Variants in ATRN observed in about 807,000 individuals in gnomAD.
The protein encoded by ATRN is attractin-2.
ATRN carries 54 observed loss-of-function variants against 178.7 expected under a neutral mutation model. That is an observed-to-expected ratio of 0.30 (90% CI 0.24 to 0.38). ATRN has a LOEUF of 0.38. Ranked by LOEUF, ATRN falls within the 10% of genes least tolerant of loss-of-function variation. The probability of loss-of-function intolerance (pLI) is 1.00; values close to 1 mark genes in which losing one functional copy is unlikely to be tolerated. For synonymous variants in ATRN, 636 were observed against 663.0 expected, an observed-to-expected ratio of 0.96 and a Z score of 0.63; for missense variants, 1,443 against 1,815.1, an observed-to-expected ratio of 0.79 and a Z score of 3.73.
chr20:3,500,037 A>G (rs958101704), intron 1 of ATRN, among the ~76,000 whole-genome samples: 16 of 152,172 alleles, frequency 1.1e-4, no homozygotes, highest in African/African-American at 3.9e-4. Flanking sequence ...ATGAACAGAC[A>G]CTTCTCAAAA....
intron 1 of ATRN, among the ~76,000 whole-genome samples, chr20:3,518,196 C>T (rs2085232370): frequency 6.6e-6 from 1 of 152,100 alleles, no homozygotes; most frequent in Non-Finnish European, 1.5e-5. Flanking sequence ...AGTTGAGGGA[C>T]GTGGTATAAC....
rs536209701 is a variant in ATRN, at chr20:3,554,990, C to CTTTTTTTT, written c.1113-4380_1113-4373dup. 6.2e-4 allele frequency among the ~76,000 whole-genome samples: 42 copies of CTTTTTTTT among 67,492 alleles called. 3 individuals are homozygous for CTTTTTTTT. The highest frequency in any genetic ancestry group is 2.3e-3 in the African/African-American group (33 of 14,250). 44.3% of individuals were successfully genotyped at this position (67,492 alleles called of 152,430 possible). ...TGGAACACCAAGTGTGACCTGACCT[C>CTTTTTTTT]TTTTTTTTTTTTTTTTTTTTTTTTT... On this transcript the variant is annotated intron_variant, in intron 6 of 28. Coordinates refer to ENST00000262919, the MANE Select transcript of ATRN (RefSeq NM_139321.3).
intron 12 of ATRN, among the ~76,000 whole-genome samples, chr20:3,575,049 C>T (rs959020723): frequency 2.6e-5 from 4 of 152,074 alleles, no homozygotes; most frequent in South Asian, 2.1e-4. Context: ...CCTCCGCCTC[C>T]CAGGTCCTGA....
intron 11 of ATRN, among the ~76,000 whole-genome samples, chr20:3,571,835 G>A (rs900084160): frequency 5.9e-5 from 9 of 151,528 alleles, no homozygotes; most frequent in African/African-American, 2.2e-4. Context: ...TAATTCATAT[G>A]ACCAGATTTT....
intron 27 of ATRN, among the ~76,000 whole-genome samples, chr20:3,641,096 A>AG (rs2087063961): frequency 6.6e-6 from 1 of 152,172 alleles, no homozygotes; most frequent in Non-Finnish European, 1.5e-5. Flanking sequence ...AGTGGTTCAC[A>AG]GGGGCTGGGA....
At chr20:3,549,702 C>T (rs2085759774) in intron 6 of ATRN, among the ~76,000 whole-genome samples, 1 of 152,152 alleles carries the variant, frequency 6.6e-6, no homozygotes, top group Non-Finnish European at 1.5e-5. Flanking sequence ...ATACCATTGT[C>T]TACTATGTCC....
intron 19 of ATRN, 42 bp from the exon 20 acceptor site, chr20:3,594,437 T>G (rs773282028): frequency 3.2e-5 from 49 of 1,525,456 alleles, no homozygotes; most frequent in Non-Finnish European, 4.4e-5. Context: ...GTCAGAATTT[T>G]TTAAGCCAGT....
intron 9 of ATRN, 147 bp downstream of exon 9, chr20:3,562,606 G>C: frequency 1.4e-6 from 1 of 712,218 alleles, no homozygotes; most frequent in South Asian, 2.4e-5. Flanking sequence ...AATAAACAGA[G>C]GGTAATAAAG....
At chr20:3,590,822 G>A (rs1453266652) in intron 18 of ATRN, among the ~76,000 whole-genome samples, 1 of 152,154 alleles carries the variant, frequency 6.6e-6, no homozygotes, top group Non-Finnish European at 1.5e-5. Context: ...TATATCAAAT[G>A]TGAACAGTGG....
Position 3,471,435 on chromosome 20 carries a change from C to A in ATRN, c.328C>A (p.Arg110Ser). 1 of 1,461,468 alleles carries A rather than the reference C, an allele frequency of 6.8e-7. No homozygotes were observed. The allele number at this position is 1,461,468 out of a possible 1,614,324, so 90.5% of individuals were successfully genotyped here. A position where few individuals can be genotyped will look rare whatever the true frequency, so the allele number is the denominator to read the frequency against. The change falls in exon 1 of 29, where the codon CGC becomes AGC. Residue 110 changes from arginine to serine, a missense_variant. Physicochemically the swap from Arg to Ser is moderately radical, Grantham distance 110 (BLOSUM62 -1). Around this residue, in one of 4 missense-constraint regions of ATRN, gnomAD observed 862 missense variants for 972.1 expected, o/e 0.89. Transcript: ENST00000262919. The part of the protein sequence containing the change: ...ECDRPCVNGG[R>S]CNPGTGQCVC... ...TGACCGGCCCTGTGTCAACGGCGGT[C>A]GCTGCAACCCTGGCACCGGCCAGTG...
intron 1 of ATRN, among the ~76,000 whole-genome samples, chr20:3,502,125 A>G (rs144283374): frequency 3.8e-4 from 58 of 152,270 alleles, no homozygotes; most frequent in Non-Finnish European, 7.6e-4. Context: ...ACTATGTATA[A>G]TATTTTACAA....
chr20:3,612,917 G>A (rs1427752269), intron 24 of ATRN, among the ~76,000 whole-genome samples: 1 of 152,080 alleles, frequency 6.6e-6, no homozygotes, highest in Non-Finnish European at 1.5e-5. Context: ...GCTGGAGATG[G>A]CCATACTTGT....
In ATRN at chr20:3,646,998, C is replaced by A; in HGVS notation, c.*151C>A. Reference sequence around the variant, plus strand: ...TCTGACTCACCTGCATGATCACAAGCTTTCTTTGACGGTTTCTCCCATCCG... The same window carrying A: ...TCTGACTCACCTGCATGATCACAAGATTTCTTTGACGGTTTCTCCCATCCG... On this transcript the variant is annotated 3_prime_UTR_variant, in exon 29 of 29. Transcript: ENST00000262919. 3.9e-6 allele frequency: 4 copies of A among 1,037,522 alleles called. No homozygotes were observed. Among genetic ancestry groups the A allele is most frequent in the Non-Finnish European group, 5.3e-6 (4 of 753,052 alleles). 64.3% of individuals were successfully genotyped at this position (1,037,522 alleles called of 1,614,324 possible).
At chr20:3,627,213 C>T (rs1459569468) in intron 25 of ATRN, among the ~76,000 whole-genome samples, 2 of 152,188 alleles carry the variant, frequency 1.3e-5, no homozygotes, top group African/African-American at 4.8e-5. Context: ...CTGTGGCTCT[C>T]CACCTTAGCT....
chr20:3,642,261 A>G (rs2753984), intron 27 of ATRN, among the ~76,000 whole-genome samples: 69,601 of 152,116 alleles, frequency 0.46, 17,282 homozygotes, highest in African/African-American at 0.66. Context: ...GACTGCTCCC[A>G]TGAGCCTCCA....
intron 1 of ATRN, among the ~76,000 whole-genome samples, chr20:3,523,111 C>A (rs990191178): frequency 1.3e-5 from 2 of 151,816 alleles, no homozygotes; most frequent in African/African-American, 4.8e-5. Context: ...TAATAACAAA[C>A]TCCTCCAAGC....
At chr20:3,512,743 A>G (rs561244571) in intron 1 of ATRN, among the ~76,000 whole-genome samples, 64 of 152,232 alleles carry the variant, frequency 4.2e-4, no homozygotes, top group African/African-American at 1.4e-3. Context: ...AAGTGTTCCT[A>G]TTTCTCCACA....
rs559292386 is a variant in ATRN at position 3,471,167 on chromosome 20, A to G, written c.60A>G (p.Ala20=). 2 of 1,504,298 alleles carry G rather than the reference A, an allele frequency of 1.3e-6. No individual in the cohort carries two copies. The highest frequency in any genetic ancestry group is 1.2e-5 in the South Asian group (1 of 81,550). The allele number at this position is 1,504,298 out of a possible 1,614,324, so 93.2% of individuals were successfully genotyped here. A position where few individuals can be genotyped will look rare whatever the true frequency, so the allele number is the denominator to read the frequency against. The part of the protein sequence containing the change: ...ARLRRRTAAT[A]ALAGRSGGPH... ...TGAGGAGGAGGACGGCGGCGACGGC[A>G]GCGCTCGCGGGCAGGAGCGGCGGGC... Residue 20 remains alanine (A), a synonymous_variant, in exon 1 of 29, where the codon GCA becomes GCG. Transcript: ENST00000262919.
intron 18 of ATRN, among the ~76,000 whole-genome samples, chr20:3,586,410 T>C (rs2086357830): frequency 6.6e-6 from 1 of 151,842 alleles, no homozygotes; most frequent in South Asian, 2.1e-4. Context: ...TTCCTAGGGC[T>C]GGGCATGGAA....
Sources: gnomAD v4.1 joint callset for allele counts (sites outside exome capture counted in the v4.1 genomes callset) on GRCh38, gnomAD v4.1.1 for gene constraint, gnomAD v4.1.1 regional missense constraint, MANE v1.5 for transcripts, NCBI Gene and HGNC (gene_info 2026-07-23, HGNC 2026-07-21) for gene names.